The following MLLT3 variants were observed in gnomAD, a reference collection of about 807,000 sequenced individuals.
MLLT3 encodes the protein MLLT3 super elongation complex subunit.
MLLT3 carries 4 observed loss-of-function variants against 53.2 expected under a neutral mutation model. The ratio of observed to expected loss-of-function variants is 0.08; its 90% CI spans 0.04 to 0.17. The LOEUF is 0.17. Ranked by LOEUF, MLLT3 falls within the 10% of genes least tolerant of loss-of-function variation. The probability of loss-of-function intolerance (pLI) is 1.00; values close to 1 mark genes in which losing one functional copy is unlikely to be tolerated. For synonymous variants in MLLT3, 283 were observed against 230.6 expected (o/e 1.23, Z -2.06); for missense variants, 569 against 684.0 (o/e 0.83, Z 1.87).
intron 5 of MLLT3, among the ~76,000 whole-genome samples, chr9:20,394,337 T>A (rs1446520581): frequency 1.3e-5 from 2 of 152,134 alleles, no homozygotes; most frequent in East Asian, 3.8e-4. Flanking sequence ...AGACACTAGC[T>A]GTGCAAAAAG....
At chr9:20,421,133 G>A (rs981184869) in intron 4 of MLLT3, among the ~76,000 whole-genome samples, 6 of 151,868 alleles carry the variant, frequency 4.0e-5, no homozygotes, top group Non-Finnish European at 5.9e-5. Context: ...GCCAGGTGGC[G>A]AGGGCCTGTA....
chr9:20,604,482 G>C (rs1820514526), intron 2 of MLLT3, among the ~76,000 whole-genome samples: 1 of 151,952 alleles, frequency 6.6e-6, no homozygotes, highest in East Asian at 1.9e-4. Context: ...GTTGAGATTT[G>C]TTATATTCCA....
chr9:20,578,797 C>G (rs994519069), intron 2 of MLLT3, among the ~76,000 whole-genome samples: 1 of 151,910 alleles, frequency 6.6e-6, no homozygotes, highest in African/African-American at 2.4e-5. Context: ...TTTATGAAAT[C>G]TAAATACATA....
At chr9:20,508,081 G>A (rs1825430861) in intron 2 of MLLT3, among the ~76,000 whole-genome samples, 1 of 152,116 alleles carries the variant, frequency 6.6e-6, no homozygotes, top group African/African-American at 2.4e-5. Context: ...CAATAAAATA[G>A]TTTAGCATCT....
In MLLT3 at chr9:20,566,317, G is replaced by A. The variant is rs190880176; in HGVS notation, c.193+54337C>T. ...GACTCCATCTCAAAAAAAAGAAGAG[G>A]GGATGTGAAGGACCCTTCTGCCCCC... is the stretch of plus-strand genomic sequence containing the variant. On this transcript the variant is annotated intron_variant, in intron 2 of 10. Coordinates refer to ENST00000380338, the MANE Select transcript of MLLT3 (RefSeq NM_004529.4). Among the ~76,000 whole-genome samples the A allele has an allele frequency of 7.3e-4, 110 of 151,456 alleles. No individual in the cohort carries two copies. The Middle Eastern group carries it at 0.014, about 19-fold the overall frequency.
chr9:20,537,410 T>C (rs1378964312), intron 2 of MLLT3, among the ~76,000 whole-genome samples: 1 of 152,260 alleles, frequency 6.6e-6, no homozygotes, highest in Non-Finnish European at 1.5e-5. Flanking sequence ...TTAGATAGGC[T>C]TTCTTATCTG....
chr9:20,604,134 T>C (rs554882269), intron 2 of MLLT3, among the ~76,000 whole-genome samples: 4 of 152,068 alleles, frequency 2.6e-5, no homozygotes, highest in Middle Eastern at 6.3e-3. Context: ...AGTATTTCCC[T>C]GCCCTTTAAA....
intron 5 of MLLT3, among the ~76,000 whole-genome samples, chr9:20,374,374 T>A (rs1483288631): frequency 6.6e-6 from 1 of 152,142 alleles, no homozygotes; most frequent in Non-Finnish European, 1.5e-5. Context: ...ACAAGACAAG[T>A]CTCTGTCTCA....
At chr9:20,585,265 T>C (rs1305127665) in intron 2 of MLLT3, among the ~76,000 whole-genome samples, 1 of 152,164 alleles carries the variant, frequency 6.6e-6, no homozygotes, top group Non-Finnish European at 1.5e-5. Context: ...CAGTCTCTTA[T>C]TTTTCAACTG....
chr9:20,498,078 C>A (rs893039069), intron 2 of MLLT3, among the ~76,000 whole-genome samples: 1 of 151,602 alleles, frequency 6.6e-6, no homozygotes, highest in Non-Finnish European at 1.5e-5. Context: ...TAAAAATTAG[C>A]TGGGCGTGGT....
Position 20,343,378 on chromosome 9 carries a change from C to T in MLLT3, c.*3065G>A, listed in dbSNP as rs1267936548. 1 of 210,944 alleles carries T rather than the reference C, an allele frequency of 4.7e-6. No individual in the cohort carries two copies. The highest frequency in any genetic ancestry group is 2.3e-5 in the African/African-American group (1 of 43,954). 13.1% of individuals were successfully genotyped at this position (210,944 alleles called of 1,614,324 possible). On this transcript the variant is annotated 3_prime_UTR_variant, in exon 11 of 11. Coordinates refer to ENST00000380338, the MANE Select transcript of MLLT3 (RefSeq NM_004529.4). ...CTGATCTGAAGTTTTTATAGTCTTC[C>T]CTACCTTGACACTATATGAACGCAT... is the stretch of plus-strand genomic sequence containing the variant.
chr9:20,567,461 A>G (rs533110019), intron 2 of MLLT3, among the ~76,000 whole-genome samples: 161 of 152,284 alleles, frequency 1.1e-3, no homozygotes, highest in African/African-American at 3.6e-3. Flanking sequence ...TAGTGAGCCT[A>G]AACATAAAAT....
chr9:20,367,758 G>A lies in MLLT3; in HGVS notation c.1126-2014C>T, dbSNP rs528792045. Among the ~76,000 whole-genome samples, 5 of 152,136 alleles carry A rather than the reference G, an allele frequency of 3.3e-5. No individual in the cohort carries two copies. In the South Asian group the frequency reaches 1.0e-3, roughly 32 times the overall value. On this transcript the variant is annotated intron_variant, in intron 5 of 10. Transcript: ENST00000380338. ...TATAGAACAAATCTTTTTAATTCAAGGTGACCAAATTTGAGGACAAACTAA... is the reference window on the plus strand; with the variant it reads ...TATAGAACAAATCTTTTTAATTCAAAGTGACCAAATTTGAGGACAAACTAA...
chr9:20,363,526 A>C lies in MLLT3; in HGVS notation c.1281T>G (p.Asn427Lys). 1.2e-6 allele frequency: 2 copies of C among 1,614,144 alleles called. No homozygotes were observed. The highest frequency in any genetic ancestry group is 1.7e-6 in the Non-Finnish European group (2 of 1,180,000). ...TTACAGGCCTCTCCATTTCAGAGTC[A>C]TTGTCGTTATCCTCCACTTCATCTG... Reference protein sequence around the residue: ...EESDEVEDNDNDSEMERPVNR... With the variant: ...EESDEVEDNDKDSEMERPVNR... Residue 427 changes from asparagine (N) to lysine (K), a missense_variant, in exon 7 of 11, where the codon AAT (asparagine) becomes AAG (lysine). Physicochemically the swap from Asn to Lys is moderately conservative, Grantham distance 94. Around this residue, in one of 5 missense-constraint regions of MLLT3, gnomAD observed 437 missense variants for 376.5 expected, o/e 1.16. Coordinates refer to ENST00000380338, the MANE Select transcript of MLLT3 (RefSeq NM_004529.4).
intron 2 of MLLT3, among the ~76,000 whole-genome samples, chr9:20,588,779 C>T (rs1052326896): frequency 2.4e-4 from 36 of 152,284 alleles, no homozygotes; most frequent in African/African-American, 7.7e-4. Context: ...ACAATCATGT[C>T]ATCTGCAAAC....
Position 20,465,379 on chromosome 9 carries a change from C to A in MLLT3, c.194-8593G>T, listed in dbSNP as rs188831220. 3.4e-3 allele frequency among the ~76,000 whole-genome samples: 515 copies of A among 152,166 alleles called. 3 individuals are homozygous for A. The highest frequency in any genetic ancestry group is 3.5e-3 in the Non-Finnish European group (239 of 67,936). On this transcript the variant is annotated intron_variant, in intron 2 of 10. Coordinates refer to ENST00000380338, the MANE Select transcript of MLLT3 (RefSeq NM_004529.4). Reference sequence around the variant, plus strand: ...TAATAAATGCACTGTATGAGAGTTACTTTTAAATACGCTACACCCATATTC... The same window carrying A: ...TAATAAATGCACTGTATGAGAGTTAATTTTAAATACGCTACACCCATATTC...
intron 2 of MLLT3, among the ~76,000 whole-genome samples, chr9:20,596,028 C>T (rs780398392): frequency 4.6e-5 from 7 of 152,124 alleles, no homozygotes; most frequent in Non-Finnish European, 8.8e-5. Flanking sequence ...TTAGACAGTA[C>T]TGCTGCAGGG....
chr9:20,603,560 C>T (rs542465988), intron 2 of MLLT3, among the ~76,000 whole-genome samples: 1 of 152,020 alleles, frequency 6.6e-6, no homozygotes, highest in Non-Finnish European at 1.5e-5. Context: ...TATTTTGGCA[C>T]GTTTGAAGTA....
chr9:20,500,977 T>A (rs781042766), intron 2 of MLLT3, among the ~76,000 whole-genome samples: 1 of 152,162 alleles, frequency 6.6e-6, no homozygotes, highest in African/African-American at 2.4e-5. Context: ...CATTCTTTCA[T>A]TAGTTTAAAG....
Sources: allele counts gnomAD v4.1 joint callset (sites outside exome capture counted in the v4.1 genomes callset), GRCh38; gene constraint gnomAD v4.1.1; regional missense constraint gnomAD v4.1.1; transcripts MANE v1.5; gene names NCBI Gene and HGNC (gene_info 2026-07-23, HGNC 2026-07-21).